ROBO2: variants seen among roughly 807,000 people sequenced by gnomAD.
The protein encoded by ROBO2 is roundabout guidance receptor 2, also known as roundabout homolog 2.
Under a neutral mutation model 160.8 loss-of-function variants are expected in ROBO2, and 53 were observed. The ratio of observed to expected loss-of-function variants is 0.33; its 90% confidence interval spans 0.26 to 0.41. The LOEUF is 0.41. Among genes scored for constraint, ROBO2 ranks in the 10% least tolerant of loss-of-function variants. The pLI is 1.00. For missense variants in ROBO2, 1,577 were observed against 1,722.4 expected, an observed-to-expected ratio of 0.92 and a Z score of 1.49; for synonymous variants, 664 against 611.7, an observed-to-expected ratio of 1.09 and a Z score of -1.26.
chr3:76,136,924 G>A lies in ROBO2; in HGVS notation c.109+199322G>A, dbSNP rs529420777. Among the ~76,000 whole-genome samples the A allele has an allele frequency of 3.9e-5, 6 of 152,020 alleles. No homozygotes were observed. The East Asian group carries it at 5.8e-4, about 15-fold the overall frequency. The stretch of plus-strand genomic sequence containing the variant: ...TTCCAAAGTCTGGAATGTAGGGGGC[G>A]GAAATCAAGTCTATAGAAAACATGT... On this transcript the variant is annotated intron_variant, in intron 2 of 26. Coordinates refer to the ROBO2 transcript ENST00000487694.
At chr3:76,848,547 A>G (rs1002992031) in intron 2 of ROBO2, among the ~76,000 whole-genome samples, 1 of 152,214 alleles carries the variant, frequency 6.6e-6, no homozygotes, top group Non-Finnish European at 1.5e-5. Context: ...TTAAGCTGCC[A>G]TAACAAAATA....
chr3:76,008,500 T>G (rs2107600533), intron 2 of ROBO2, among the ~76,000 whole-genome samples: 1 of 152,254 alleles, frequency 6.6e-6, no homozygotes, highest in African/African-American at 2.4e-5. Flanking sequence ...AAAATCAGAC[T>G]TTTATGAAGT....
chr3:77,257,298 A>T (rs2058480832), intron 2 of ROBO2, among the ~76,000 whole-genome samples: 1 of 152,216 alleles, frequency 6.6e-6, no homozygotes, highest in South Asian at 2.1e-4. Flanking sequence ...GTAAGCAAGT[A>T]CAGCACAAGG....
chr3:77,041,846 A>G (rs991515898), intron 1 of ROBO2, among the ~76,000 whole-genome samples: 15 of 151,898 alleles, frequency 9.9e-5, no homozygotes, highest in African/African-American at 3.6e-4. Flanking sequence ...GTTTTTAGTT[A>G]CTTTCTGTAC....
chr3:76,038,767 C>CAT (rs2067192346), intron 2 of ROBO2, among the ~76,000 whole-genome samples: 1 of 148,228 alleles, frequency 6.7e-6, no homozygotes, highest in African/African-American at 2.5e-5. Flanking sequence ...TGGAAAACTG[C>CAT]GTGTGTGTGT....
At chr3:77,169,729 T>G (rs2079442427) in intron 2 of ROBO2, among the ~76,000 whole-genome samples, 1 of 150,244 alleles carries the variant, frequency 6.7e-6, no homozygotes, top group Non-Finnish European at 1.5e-5. Context: ...CACTTTTTTC[T>G]TTTCCTTTCT....
chr3:76,017,698 C>T (rs1346312266), intron 2 of ROBO2, among the ~76,000 whole-genome samples: 2 of 152,044 alleles, frequency 1.3e-5, no homozygotes, highest in Non-Finnish European at 2.9e-5. Flanking sequence ...CAGACACACA[C>T]TCAATGTCAT....
chr3:76,374,372 A>G (rs1324307677), intron 2 of ROBO2, among the ~76,000 whole-genome samples: 2 of 152,054 alleles, frequency 1.3e-5, no homozygotes, highest in African/African-American at 2.4e-5. Flanking sequence ...ATTTAGGTCA[A>G]ATAATTAAAA....
intron 2 of ROBO2, among the ~76,000 whole-genome samples, chr3:76,817,885 C>A (rs1268873542): frequency 9.0e-6 from 1 of 110,896 alleles, no homozygotes; most frequent in Non-Finnish European, 1.8e-5. Context: ...ACTACAATTT[C>A]TTTATCCACT....
chr3:77,420,162 T>C (rs2077583985), intron 2 of ROBO2, among the ~76,000 whole-genome samples: 1 of 152,048 alleles, frequency 6.6e-6, no homozygotes, highest in African/African-American at 2.4e-5. Context: ...GGTCATAAAA[T>C]GAAAGGGTGT....
chr3:75,993,507 A>AG (rs771307274), intron 2 of ROBO2, among the ~76,000 whole-genome samples: 85 of 152,246 alleles, frequency 5.6e-4, no homozygotes, highest in Non-Finnish European at 8.2e-4. Context: ...TCCCAGTCTC[A>AG]GGTATGTCTT....
chr3:76,266,520 G>C (rs988903334), intron 2 of ROBO2, among the ~76,000 whole-genome samples: 4 of 152,034 alleles, frequency 2.6e-5, no homozygotes, highest in Non-Finnish European at 5.9e-5. Context: ...TTCTCTCTCT[G>C]TATGCAACAT....
chr3:76,553,890 C>T (rs2083559286), intron 2 of ROBO2, among the ~76,000 whole-genome samples: 1 of 152,166 alleles, frequency 6.6e-6, no homozygotes, highest in African/African-American at 2.4e-5. Flanking sequence ...TCATTATTAT[C>T]ATGGGTGTGG....
At chr3:76,603,092 G>C (rs1478184078) in intron 2 of ROBO2, among the ~76,000 whole-genome samples, 2 of 151,690 alleles carry the variant, frequency 1.3e-5, no homozygotes, top group African/African-American at 4.8e-5. Flanking sequence ...GGCACTTTGG[G>C]AGGCCGAGGC....
At chr3:76,224,116 T>C (rs1704141094) in intron 2 of ROBO2, among the ~76,000 whole-genome samples, 1 of 152,156 alleles carries the variant, frequency 6.6e-6, no homozygotes, top group Non-Finnish European at 1.5e-5. Flanking sequence ...CATATCTACA[T>C]ATATCTTATT....
chr3:77,098,533 T>C (rs2150077087), intron 2 of ROBO2, among the ~76,000 whole-genome samples, 193 bp downstream of exon 2: 1 of 152,076 alleles, frequency 6.6e-6, no homozygotes, highest in South Asian at 2.1e-4. Flanking sequence ...TTATATGAAA[T>C]CAAGATGACC....
At chr3:76,855,570 TC>T (rs1186105311) in intron 2 of ROBO2, among the ~76,000 whole-genome samples, 1 of 152,250 alleles carries the variant, frequency 6.6e-6, no homozygotes, top group Non-Finnish European at 1.5e-5. Flanking sequence ...TATATTTTTT[TC>T]TTTTAGCTTA....
intron 2 of ROBO2, among the ~76,000 whole-genome samples, chr3:76,261,724 G>A (rs1706780483): frequency 6.6e-6 from 1 of 151,976 alleles, no homozygotes; most frequent in African/African-American, 2.4e-5. Flanking sequence ...AATACTGTGT[G>A]CATTTTTTTA....
At chr3:76,662,822 T>C (rs1575796102) in intron 2 of ROBO2, among the ~76,000 whole-genome samples, 1 of 152,078 alleles carries the variant, frequency 6.6e-6, no homozygotes, top group Non-Finnish European at 1.5e-5. Context: ...TGGTGACATG[T>C]GAGGCAAGGA....
Sources: gnomAD v4.1 joint callset for allele counts (sites outside exome capture counted in the v4.1 genomes callset) on GRCh38, gnomAD v4.1.1 for gene constraint, MANE v1.5 for transcripts, NCBI Gene and HGNC (gene_info 2026-07-23, HGNC 2026-07-21) for gene names.